The following XKR7 variants were observed in gnomAD, a reference collection of about 807,000 sequenced individuals.
XKR7 encodes XK related 7.
A neutral mutation model predicts 42.2 loss-of-function variants in XKR7; 11 were observed. The observed-to-expected ratio is 0.26, with a 90% CI of 0.16 to 0.43. The LOEUF is 0.43. XKR7 is among the 20% of genes least tolerant of loss of function. The pLI is 1.00. For synonymous variants in XKR7, 346 were observed against 366.4 expected (o/e 0.94, Z 0.64); for missense variants, 710 against 802.2 (o/e 0.89, Z 1.39).
chr20:32,000,853 G>C lies in XKR7; in HGVS notation c.*3396G>C, dbSNP rs1359332365. The C allele has an allele frequency of 1.3e-5, 2 of 152,424 alleles. No homozygotes were observed. Among genetic ancestry groups the C allele is most frequent in the Non-Finnish European group, 2.9e-5 (2 of 68,220 alleles). The allele number at this position is 152,424 out of a possible 1,614,324, so 9.4% of individuals were successfully genotyped here. A position where few individuals can be genotyped will look rare whatever the true frequency, so the allele number is the denominator to read the frequency against. ...ACTGTCACCCCAGCTGAACAGCACA[G>C]ACCTCCCCACTCCCCCACACAGGGC... On this transcript the variant is annotated 3_prime_UTR_variant, in exon 3 of 3. Transcript: ENST00000562532.
In XKR7 at chr20:31,999,040, C is replaced by CG. The variant is rs1466663782; in HGVS notation, c.*1583_*1584insG. 1 of 144,062 alleles carries CG rather than the reference C, an allele frequency of 6.9e-6. No homozygotes were observed. Among genetic ancestry groups the CG allele is most frequent in the African/African-American group, 2.5e-5 (1 of 40,336 alleles). 8.9% of individuals were successfully genotyped at this position (144,062 alleles called of 1,614,324 possible). On this transcript the variant is annotated 3_prime_UTR_variant, in exon 3 of 3. Coordinates refer to ENST00000562532, the MANE Select transcript of XKR7 (RefSeq NM_001011718.2). ...TGGGAACCCAACCCACCCCCCACCCCCCCACACACACACTCCCACAGCAAC... is the reference window on the plus strand; with the variant it reads ...TGGGAACCCAACCCACCCCCCACCCCGCCCACACACACACTCCCACAGCAAC...
intron 1 of XKR7, among the ~76,000 whole-genome samples, chr20:31,985,943 G>A (rs1196147456): frequency 3.9e-4 from 30 of 76,118 alleles, no homozygotes; most frequent in African/African-American, 8.8e-4. Flanking sequence ...ACCACCAAGC[G>A]GACCCAGCAT....
intron 1 of XKR7, among the ~76,000 whole-genome samples, chr20:31,971,374 C>T (rs973003076): frequency 4.6e-5 from 7 of 152,170 alleles, no homozygotes; most frequent in Admixed American, 6.5e-5. Context: ...TTTCCCATTC[C>T]TGAAATTCTG....
intron 1 of XKR7, among the ~76,000 whole-genome samples, chr20:31,990,095 G>A (rs1279880975): frequency 6.6e-6 from 1 of 152,150 alleles, no homozygotes; most frequent in Non-Finnish European, 1.5e-5. Flanking sequence ...TGGTGGTGAG[G>A]AGGAGCCAGC....
In XKR7 at chr20:31,997,133, C is replaced by A; in HGVS notation, c.1416C>A (p.Pro472=). Residue 472 remains proline (P), a synonymous_variant, in exon 3 of 3, where the codon CCC becomes CCA. Transcript: ENST00000562532. The part of the protein sequence containing the change: ...CGPPADAITS[P]PRSLPRTTGA... ...CACCCGCTGACGCCATCACGAGTCC[C>A]CCCAGGTCCCTGCCAAGGACTACAG... 6.2e-7 allele frequency: 1 copy of A among 1,612,488 alleles called. No individual in the cohort carries two copies. The highest frequency in any genetic ancestry group is 8.5e-7 in the Non-Finnish European group (1 of 1,180,030).
At chr20:31,996,380 C>T (rs2064591325) in intron 2 of XKR7, 125 bp from the exon 3 acceptor site, 2 of 665,002 alleles carry the variant, frequency 3.0e-6, no homozygotes, top group Non-Finnish European at 4.8e-6. Context: ...CCTGCTGATC[C>T]ACAGCTCCTT....
Position 31,998,704 on chromosome 20 carries a change from T to G in XKR7, c.*1247T>G, listed in dbSNP as rs924283984. 6.6e-6 allele frequency: 1 copy of G among 150,758 alleles called. No individual in the cohort carries two copies. Among genetic ancestry groups the G allele is most frequent in the Non-Finnish European group, 1.5e-5 (1 of 67,850 alleles). 9.3% of individuals were successfully genotyped at this position (150,758 alleles called of 1,614,324 possible). A position where few individuals can be genotyped will look rare whatever the true frequency, so the allele number is the denominator to read the frequency against. On this transcript the variant is annotated 3_prime_UTR_variant, in exon 3 of 3. Coordinates refer to ENST00000562532, the MANE Select transcript of XKR7 (RefSeq NM_001011718.2). ...TTGTCCTCAGAACCCCTGAGACATT[T>G]CAGCTGCCAACTGGTTCCCAGCTGG...
intron 1 of XKR7, among the ~76,000 whole-genome samples, chr20:31,976,501 C>T (rs1218534565): frequency 6.6e-6 from 1 of 152,052 alleles, no homozygotes; most frequent in African/African-American, 2.4e-5. Flanking sequence ...TCTCCTGCCT[C>T]AGCCTCCCGA....
Position 31,996,838 on chromosome 20 carries a change from A to T in XKR7, c.1121A>T (p.Asn374Ile). 6.2e-7 allele frequency: 1 copy of T among 1,613,642 alleles called. No individual in the cohort carries two copies. Among genetic ancestry groups the T allele is most frequent in the East Asian group, 2.2e-5 (1 of 44,850 alleles). ...ATCATCTACATCTTCTGCTGGTTCAACGTCAAGGAGGGCCGCAGCCGCCGC... is the reference window on the plus strand; with the variant it reads ...ATCATCTACATCTTCTGCTGGTTCATCGTCAAGGAGGGCCGCAGCCGCCGC... ...VGIIYIFCWF[N>I]VKEGRSRRRM... The change falls in exon 3 of 3, where the codon AAC becomes ATC. Residue 374 changes from asparagine (N) to isoleucine (I), a missense_variant. This residue lies in a region of XKR7 where 708 missense variants were observed against 786.2 expected (regional missense o/e 0.90). Transcript: ENST00000562532.
chr20:31,974,960 T>C (rs1253110307), intron 1 of XKR7, among the ~76,000 whole-genome samples: 1 of 152,024 alleles, frequency 6.6e-6, no homozygotes, highest in Non-Finnish European at 1.5e-5. Flanking sequence ...CATGGACCAT[T>C]AGAGCTGCTC....
Position 31,988,044 on chromosome 20 carries a change from C to T in XKR7, c.585-7024C>T, listed in dbSNP as rs115378505. ...TAGACAGGCTGATCTGAGCCACAGA[C>T]AGAGACAATGACTCAGGATCTGAGG... On this transcript the variant is annotated intron_variant, in intron 1 of 2. Transcript: ENST00000562532. Among the ~76,000 whole-genome samples, 761 of 152,302 alleles carry T rather than the reference C, an allele frequency of 5.0e-3. 4 individuals carry two copies. Among genetic ancestry groups the T allele is most frequent in the African/African-American group, 0.017 (694 of 41,552 alleles).
chr20:31,994,529 G>A (rs1004434906), intron 1 of XKR7, among the ~76,000 whole-genome samples: 1 of 152,120 alleles, frequency 6.6e-6, no homozygotes, highest in Non-Finnish European at 1.5e-5. Context: ...ACCAGCCTGG[G>A]CAACATAGCC....
chr20:31,995,342 G>A lies in XKR7; in HGVS notation c.787+72G>A. 6.5e-7 allele frequency: 1 copy of A among 1,528,290 alleles called. No individual in the cohort carries two copies. Among genetic ancestry groups the A allele is most frequent in the Non-Finnish European group, 8.7e-7 (1 of 1,144,804 alleles). 94.7% of individuals were successfully genotyped at this position (1,528,290 alleles called of 1,614,324 possible). A position where few individuals can be genotyped will look rare whatever the true frequency, so the allele number is the denominator to read the frequency against. ...CCTTTCTCCCTGCTTCAGGCTCCCT[G>A]GGGATGCCCTGTGGGCTTCCCCACC... On this transcript the variant is annotated intron_variant, in intron 2 of 2. Coordinates refer to ENST00000562532, the MANE Select transcript of XKR7 (RefSeq NM_001011718.2). The surrounding 1 kb of genome is among the most constrained non-coding windows in gnomAD (Gnocchi z 4.1).
rs543874255 is a variant in XKR7 at position 31,995,295 on chromosome 20, C to T, written c.787+25C>T. 1.3e-6 allele frequency: 2 copies of T among 1,532,776 alleles called. No individual in the cohort carries two copies. The highest frequency in any genetic ancestry group is 3.9e-5 in the Admixed American group (2 of 50,778). The allele number at this position is 1,532,776 out of a possible 1,614,324, so 94.9% of individuals were successfully genotyped here. A position where few individuals can be genotyped will look rare whatever the true frequency, so the allele number is the denominator to read the frequency against. On this transcript the variant is annotated intron_variant, in intron 2 of 2. Transcript: ENST00000562532. The surrounding 1 kb of genome is among the most constrained non-coding windows in gnomAD (Gnocchi z 4.1). The stretch of plus-strand genomic sequence containing the variant: ...GGTGAGCCCGCCCCTTCACCCTCTG[C>T]GCCTGGGACCACCCCACCGGGCCTT...
chr20:31,976,336 A>G (rs538378653), intron 1 of XKR7, among the ~76,000 whole-genome samples: 19 of 152,168 alleles, frequency 1.2e-4, no homozygotes, highest in Non-Finnish European at 2.6e-4. Flanking sequence ...ACAATCAATC[A>G]TGTATTGTTT....
At chr20:31,986,908 A>T (rs551225791) in intron 1 of XKR7, among the ~76,000 whole-genome samples, 1 of 151,074 alleles carries the variant, frequency 6.6e-6, no homozygotes, top group Non-Finnish European at 1.5e-5. Flanking sequence ...CACCAAGCCG[A>T]CCCAGCATCC....
Position 31,997,606 on chromosome 20 carries a change from G to T in XKR7, c.*149G>T, listed in dbSNP as rs2064601746. 6 of 770,220 alleles carry T rather than the reference G, an allele frequency of 7.8e-6. No homozygotes were observed. In the Admixed American group the frequency reaches 1.8e-4, roughly 23 times the overall value. 47.7% of individuals were successfully genotyped at this position (770,220 alleles called of 1,614,324 possible). A position where few individuals can be genotyped will look rare whatever the true frequency, so the allele number is the denominator to read the frequency against. On this transcript the variant is annotated 3_prime_UTR_variant, in exon 3 of 3. Coordinates refer to ENST00000562532, the MANE Select transcript of XKR7 (RefSeq NM_001011718.2). ...GGCCCCACTCTTGGGTTCTTTCAGG[G>T]GAGGGGGCAGCCTTGCGGAGGCCCC...
intron 1 of XKR7, among the ~76,000 whole-genome samples, chr20:31,969,115 C>A (rs2064452210): frequency 6.6e-6 from 1 of 152,130 alleles, no homozygotes; most frequent in South Asian, 2.1e-4. Flanking sequence ...TCTGCCATAA[C>A]CCACTCCTCT....
intron 1 of XKR7, among the ~76,000 whole-genome samples, chr20:31,988,827 C>A (rs1568888030): frequency 1.3e-5 from 2 of 152,150 alleles, no homozygotes; most frequent in African/African-American, 4.8e-5. Flanking sequence ...CAGGAGGAGC[C>A]TGTGAGGTGT....
Sources: allele counts gnomAD v4.1 joint callset (sites outside exome capture counted in the v4.1 genomes callset), GRCh38; gene constraint gnomAD v4.1.1; regional missense constraint gnomAD v4.1.1; non-coding constraint Gnocchi (gnomAD v3.1); transcripts MANE v1.5; gene names NCBI Gene and HGNC (gene_info 2026-07-23, HGNC 2026-07-21).